The following PLCXD3 variants were observed in gnomAD, a reference collection of about 807,000 sequenced individuals.
PLCXD3 encodes phosphatidylinositol specific phospholipase C X domain containing 3.
PLCXD3 carries 19 observed loss-of-function variants against 25.5 expected under a neutral mutation model. The observed-to-expected ratio is 0.75, with a 90% CI of 0.52 to 1.09. The LOEUF (loss-of-function observed/expected upper bound fraction) is 1.09, where lower values mean the gene tolerates loss of function less well. Ranked by LOEUF, PLCXD3 falls within the 50% of genes least tolerant of loss-of-function variation. PLCXD3 has a pLI of 0.00. For synonymous variants in PLCXD3, 174 were observed against 137.6 expected, an observed-to-expected ratio of 1.26 and a Z score of -1.85; for missense variants, 411 against 388.1, an observed-to-expected ratio of 1.06 and a Z score of -0.50.
chr5:41,389,740 C>A (rs1027605217), intron 1 of PLCXD3, among the ~76,000 whole-genome samples: 5 of 151,996 alleles, frequency 3.3e-5, no homozygotes, highest in Admixed American at 6.6e-5. Flanking sequence ...ATTTGTGTTT[C>A]TTTTAAATTT....
At position 41,510,583 on chromosome 5, in the gene PLCXD3, C is replaced by T. The variant is rs1483719910; in HGVS notation, c.-57G>A. On this transcript the variant is annotated 5_prime_UTR_variant, in exon 1 of 3. Transcript: ENST00000377801. ...AGCACTCCTCGGGCAGGCTGGCAGG[C>T]TGCTGCCGCTAATCCAATGTTTGCT... The T allele has an allele frequency of 2.9e-6, 4 of 1,369,720 alleles. No individual in the cohort carries two copies. Among genetic ancestry groups the T allele is most frequent in the Middle Eastern group, 1.8e-4 (1 of 5,580 alleles). 84.8% of individuals were successfully genotyped at this position (1,369,720 alleles called of 1,614,324 possible).
At chr5:41,497,482 A>AGAT (rs1339671324) in intron 1 of PLCXD3, among the ~76,000 whole-genome samples, 3 of 151,858 alleles carry the variant, frequency 2.0e-5, no homozygotes, top group African/African-American at 7.2e-5. Context: ...TCAACCAGGA[A>AGAT]GATAAAGCAA....
At chr5:41,502,565 A>T (rs1748975688) in intron 1 of PLCXD3, among the ~76,000 whole-genome samples, 1 of 152,202 alleles carries the variant, frequency 6.6e-6, no homozygotes, top group Non-Finnish European at 1.5e-5. Context: ...AGAGGTAAAA[A>T]ATTCTCATCT....
chr5:41,410,198 G>C (rs1217332480), intron 1 of PLCXD3, among the ~76,000 whole-genome samples: 1 of 149,734 alleles, frequency 6.7e-6, no homozygotes, highest in Non-Finnish European at 1.5e-5. Context: ...GGAGTACAGT[G>C]GCGTGATCTC....
chr5:41,355,182 G>C lies in PLCXD3; in HGVS notation c.812+26644C>G, dbSNP rs113633658. On this transcript the variant is annotated intron_variant, in intron 2 of 2. Coordinates refer to ENST00000377801, the MANE Select transcript of PLCXD3 (RefSeq NM_001005473.3). The stretch of plus-strand genomic sequence containing the variant: ...GATACCAGGCCTTAGTCTACCAAGA[G>C]TGTAGAAATAGGTAGTCTCTTGATT... Among the ~76,000 whole-genome samples, 815 of 152,274 alleles carry C rather than the reference G, an allele frequency of 5.4e-3. 5 individuals are homozygous for C. Among genetic ancestry groups the C allele is most frequent in the Middle Eastern group, 0.01 (3 of 294 alleles).
At chr5:41,492,269 C>G (rs1347537830) in intron 1 of PLCXD3, among the ~76,000 whole-genome samples, 1 of 151,150 alleles carries the variant, frequency 6.6e-6, no homozygotes. Context: ...GGCCCCCACT[C>G]TCTTCTGGCT....
chr5:41,311,596 G>C lies in PLCXD3; in HGVS notation c.*2021C>G, dbSNP rs1001071698. The C allele has an allele frequency of 6.6e-6, 1 of 152,042 alleles. No homozygotes were observed. Among genetic ancestry groups the C allele is most frequent in the Non-Finnish European group, 1.5e-5 (1 of 67,996 alleles). The allele number at this position is 152,042 out of a possible 1,614,324, so 9.4% of individuals were successfully genotyped here. A position where few individuals can be genotyped will look rare whatever the true frequency, so the allele number is the denominator to read the frequency against. ...AGGAATGGGCATATGTTTGTATATT[G>C]TATATGGCAAGATGTATACACACAA... On this transcript the variant is annotated 3_prime_UTR_variant, in exon 3 of 3. Coordinates refer to ENST00000377801, the MANE Select transcript of PLCXD3 (RefSeq NM_001005473.3).
intron 1 of PLCXD3, among the ~76,000 whole-genome samples, chr5:41,454,114 A>C (rs1376661434): frequency 6.6e-6 from 1 of 151,968 alleles, no homozygotes; most frequent in Non-Finnish European, 1.5e-5. Flanking sequence ...GAGTTAAATA[A>C]AGTCCTCCCA....
intron 1 of PLCXD3, among the ~76,000 whole-genome samples, chr5:41,469,972 G>A (rs1216031273): frequency 6.6e-6 from 1 of 152,164 alleles, no homozygotes; most frequent in African/African-American, 2.4e-5. Context: ...GAACAGTGGG[G>A]TCAAAAGTGA....
At chr5:41,438,869 G>A (rs571559635) in intron 1 of PLCXD3, among the ~76,000 whole-genome samples, 2 of 150,932 alleles carry the variant, frequency 1.3e-5, no homozygotes, top group South Asian at 2.1e-4. Context: ...AAAGCTAAGC[G>A]AACAGCCAAA....
intron 1 of PLCXD3, among the ~76,000 whole-genome samples, chr5:41,464,330 C>T (rs2150517921): frequency 6.6e-6 from 1 of 152,176 alleles, no homozygotes; most frequent in South Asian, 2.1e-4. Context: ...GAGTTCCAAA[C>T]TCTTTTGACT....
At chr5:41,492,275 T>C (rs1209182158) in intron 1 of PLCXD3, among the ~76,000 whole-genome samples, 6 of 152,160 alleles carry the variant, frequency 3.9e-5, no homozygotes, top group African/African-American at 1.5e-4. Flanking sequence ...CACTCTCTTC[T>C]GGCTTGTAGA....
intron 1 of PLCXD3, among the ~76,000 whole-genome samples, chr5:41,493,441 G>C (rs1748753958): frequency 6.6e-6 from 1 of 152,332 alleles, no homozygotes; most frequent in East Asian, 1.9e-4. Flanking sequence ...TGCATACTGG[G>C]AGAACCACTG....
At chr5:41,496,462 G>A (rs74910950) in intron 1 of PLCXD3, among the ~76,000 whole-genome samples, 17,000 of 151,604 alleles carry the variant, frequency 0.11, 1,408 homozygotes, top group African/African-American at 0.23. Flanking sequence ...AATAACAGGA[G>A]AAAAGTGACT....
chr5:41,485,123 T>A (rs1388432207), intron 1 of PLCXD3, among the ~76,000 whole-genome samples: 1 of 152,176 alleles, frequency 6.6e-6, no homozygotes, highest in Non-Finnish European at 1.5e-5. Context: ...CACCAATTAT[T>A]TCATTTCATT....
intron 1 of PLCXD3, among the ~76,000 whole-genome samples, chr5:41,422,684 TA>T (rs1746855665): frequency 6.6e-6 from 1 of 152,262 alleles, no homozygotes; most frequent in Admixed American, 6.5e-5. Context: ...GAGTCTTCAA[TA>T]AAGTTTTACA....
chr5:41,372,298 T>TCTCACA (rs1554045727), intron 2 of PLCXD3, among the ~76,000 whole-genome samples: 4 of 110,786 alleles, frequency 3.6e-5, no homozygotes, highest in East Asian at 5.0e-4. Flanking sequence ...TCTCTCTCTC[T>TCTCACA]CACACACACA....
At chr5:41,417,738 A>G (rs557036580) in intron 1 of PLCXD3, among the ~76,000 whole-genome samples, 1 of 152,310 alleles carries the variant, frequency 6.6e-6, no homozygotes, top group South Asian at 2.1e-4. Context: ...CGCTGAGCAA[A>G]CCTGGAGGGT....
At chr5:41,457,584 C>A (rs543983998) in intron 1 of PLCXD3, among the ~76,000 whole-genome samples, 30 of 152,024 alleles carry the variant, frequency 2.0e-4, no homozygotes, top group African/African-American at 6.7e-4. Context: ...ACTGGGAGGA[C>A]ATCTGTACTT....
Sources: allele counts gnomAD v4.1 joint callset (sites outside exome capture counted in the v4.1 genomes callset), GRCh38; gene constraint gnomAD v4.1.1; transcripts MANE v1.5; gene names NCBI Gene and HGNC (gene_info 2026-07-23, HGNC 2026-07-21).